HS6ST3: variants seen among roughly 807,000 people sequenced by gnomAD.
HS6ST3 encodes the protein heparan sulfate 6-O-sulfotransferase 3, also known as heparan-sulfate 6-O-sulfotransferase 3.
HS6ST3 carries 12 observed loss-of-function variants against 36.7 expected under a neutral mutation model. The observed-to-expected ratio is 0.33, with a 90% CI of 0.21 to 0.53. HS6ST3 has a LOEUF of 0.53. Among genes scored for constraint, HS6ST3 ranks in the 20% least tolerant of loss-of-function variants. The pLI is 0.95. For missense variants in HS6ST3, 584 were observed against 640.9 expected, an observed-to-expected ratio of 0.91 and a Z score of 0.96; for synonymous variants, 240 against 257.5, an observed-to-expected ratio of 0.93 and a Z score of 0.65.
chr13:96,748,319 A>C (rs1182674156), intron 1 of HS6ST3, among the ~76,000 whole-genome samples: 2 of 152,092 alleles, frequency 1.3e-5, no homozygotes, highest in South Asian at 4.1e-4. Flanking sequence ...GACAAGGCTT[A>C]GGTCAGGCTT....
rs143920928 is a variant in HS6ST3 at position 96,787,485 on chromosome 13, A to G, written c.708-45005A>G. Among the ~76,000 whole-genome samples, 385 of 152,180 alleles carry G rather than the reference A, an allele frequency of 2.5e-3. 2 individuals are homozygous for G. Among genetic ancestry groups the G allele is most frequent in the African/African-American group, 8.0e-3 (334 of 41,550 alleles). On this transcript the variant is annotated intron_variant, in intron 1 of 1. Transcript: ENST00000376705. The stretch of plus-strand genomic sequence containing the variant: ...CTTTAGCCATTCTAATAGATGTATG[A>G]TAGTATACTATTGTGGTTTCAATTT...
chr13:96,583,289 C>T (rs1336416985), intron 1 of HS6ST3, among the ~76,000 whole-genome samples: 3 of 130,694 alleles, frequency 2.3e-5, no homozygotes, highest in Non-Finnish European at 4.7e-5. Flanking sequence ...TCTCGGCTCA[C>T]TGCAACCTCC....
At chr13:96,637,059 T>C (rs898321230) in intron 1 of HS6ST3, among the ~76,000 whole-genome samples, 1 of 152,148 alleles carries the variant, frequency 6.6e-6, no homozygotes, top group African/African-American at 2.4e-5. Flanking sequence ...TAGAAATTAT[T>C]AATAGAAGAA....
chr13:96,650,720 T>A (rs2056604406), intron 1 of HS6ST3, among the ~76,000 whole-genome samples: 1 of 151,940 alleles, frequency 6.6e-6, no homozygotes. Flanking sequence ...ACCGAGTGAG[T>A]GTGAAGTTCA....
intron 1 of HS6ST3, among the ~76,000 whole-genome samples, chr13:96,762,998 C>A (rs1476525483): frequency 6.6e-6 from 1 of 152,064 alleles, no homozygotes; most frequent in Non-Finnish European, 1.5e-5. Flanking sequence ...AGTTTCCATC[C>A]CAATATGGTC....
intron 1 of HS6ST3, among the ~76,000 whole-genome samples, chr13:96,118,688 A>T (rs12146909): frequency 0.017 from 539 of 31,166 alleles, 16 homozygotes; most frequent in African/African-American, 0.057. Context: ...ATATATATAT[A>T]TTTTTTTTTT....
In HS6ST3 at chr13:96,244,200, G is replaced by T. The variant is rs549824545; in HGVS notation, c.707+152631G>T. Among the ~76,000 whole-genome samples, 16 of 151,884 alleles carry T rather than the reference G, an allele frequency of 1.1e-4. No homozygotes were observed. The East Asian group carries it at 3.1e-3, about 29-fold the overall frequency. On this transcript the variant is annotated intron_variant, in intron 1 of 1. Coordinates refer to ENST00000376705, the MANE Select transcript of HS6ST3 (RefSeq NM_153456.4). ...AGTTGTAAGATTTTTTCTTTTTTTG[G>T]CTTCTACCATTGTGAATACAATATG...
chr13:96,255,475 T>C (rs757183492), intron 1 of HS6ST3, among the ~76,000 whole-genome samples: 4 of 152,200 alleles, frequency 2.6e-5, no homozygotes, highest in Non-Finnish European at 4.4e-5. Flanking sequence ...AAAAAATATA[T>C]TAAGAATTAA....
intron 1 of HS6ST3, among the ~76,000 whole-genome samples, chr13:96,550,175 G>A (rs2056214363): frequency 6.6e-6 from 1 of 152,148 alleles, no homozygotes; most frequent in Admixed American, 6.5e-5. Context: ...GGGGCCTAGT[G>A]GGAGATGTTT....
intron 1 of HS6ST3, among the ~76,000 whole-genome samples, chr13:96,324,526 G>T (rs982843098): frequency 6.6e-6 from 1 of 152,134 alleles, no homozygotes; most frequent in Admixed American, 6.6e-5. Context: ...ACCTGTTAGG[G>T]GTTGAATTGT....
chr13:96,302,913 C>G (rs2054890985), intron 1 of HS6ST3, among the ~76,000 whole-genome samples: 1 of 152,118 alleles, frequency 6.6e-6, no homozygotes, highest in Non-Finnish European at 1.5e-5. Flanking sequence ...TAGACCTCAT[C>G]TGGTCTGCTA....
intron 1 of HS6ST3, among the ~76,000 whole-genome samples, chr13:96,368,409 C>A (rs1378287044): frequency 6.6e-6 from 1 of 151,788 alleles, no homozygotes; most frequent in African/African-American, 2.4e-5. Flanking sequence ...GACATATTTA[C>A]AATCCAGCTG....
intron 1 of HS6ST3, among the ~76,000 whole-genome samples, chr13:96,363,191 A>C (rs949414126): frequency 4.6e-5 from 7 of 152,074 alleles, no homozygotes; most frequent in African/African-American, 1.7e-4. Context: ...CATTCTATGG[A>C]TTTTACAAAT....
chr13:96,679,253 T>C (rs1378051347), intron 1 of HS6ST3, among the ~76,000 whole-genome samples: 1 of 151,628 alleles, frequency 6.6e-6, no homozygotes, highest in African/African-American at 2.4e-5. Context: ...TATAGAATGC[T>C]AACATCGTAG....
chr13:96,512,317 G>C (rs552309130), intron 1 of HS6ST3, among the ~76,000 whole-genome samples: 19 of 152,214 alleles, frequency 1.2e-4, no homozygotes, highest in South Asian at 4.2e-4. Flanking sequence ...ATACCTCTTA[G>C]GGCAAGTGCC....
intron 1 of HS6ST3, among the ~76,000 whole-genome samples, chr13:96,817,107 G>A (rs954563773): frequency 2.6e-5 from 4 of 152,146 alleles, no homozygotes; most frequent in African/African-American, 7.2e-5. Context: ...AATGGCTGTC[G>A]CAACTTCCCG....
intron 1 of HS6ST3, among the ~76,000 whole-genome samples, chr13:96,109,977 G>A (rs2053860210): frequency 6.6e-6 from 1 of 152,222 alleles, no homozygotes. Flanking sequence ...GATGTGCTGT[G>A]GTGTGGGCAC....
At chr13:96,696,074 C>T (rs1006783229) in intron 1 of HS6ST3, among the ~76,000 whole-genome samples, 1 of 152,054 alleles carries the variant, frequency 6.6e-6, no homozygotes, top group Non-Finnish European at 1.5e-5. Context: ...GAGGGTCCTA[C>T]CAGAGAAATT....
chr13:96,208,622 A>AT (rs1297263195), intron 1 of HS6ST3, among the ~76,000 whole-genome samples: 1 of 152,114 alleles, frequency 6.6e-6, no homozygotes, highest in Non-Finnish European at 1.5e-5. Flanking sequence ...TAGTTACTGT[A>AT]TTTTTTATTT....
Sources: allele counts gnomAD v4.1 joint callset (sites outside exome capture counted in the v4.1 genomes callset), GRCh38; gene constraint gnomAD v4.1.1; transcripts MANE v1.5; gene names NCBI Gene and HGNC (gene_info 2026-07-23, HGNC 2026-07-21).